Variants in CACNG2 observed in about 807,000 individuals in gnomAD.
The protein encoded by CACNG2 is calcium voltage-gated channel auxiliary subunit gamma 2, also known as voltage-dependent calcium channel gamma-2 subunit.
In CACNG2, 3 loss-of-function variants were observed where a neutral mutation model predicts 25.9. The ratio of observed to expected loss-of-function variants is 0.12; its 90% confidence interval spans 0.05 to 0.30. CACNG2 has a LOEUF of 0.30. CACNG2 is among the 10% of genes least tolerant of loss of function. CACNG2 has a pLI of 1.00. For missense variants in CACNG2, 341 were observed against 432.5 expected, an observed-to-expected ratio of 0.79 and a Z score of 1.88; for synonymous variants, 167 against 173.3, an observed-to-expected ratio of 0.96 and a Z score of 0.29.
At chr22:36,598,906 A>G (rs1935714998) in intron 1 of CACNG2, among the ~76,000 whole-genome samples, 1 of 152,108 alleles carries the variant, frequency 6.6e-6, no homozygotes, top group Admixed American at 6.6e-5. Flanking sequence ...TGAACCTGGG[A>G]GGCGGAGGTT....
At chr22:36,601,603 C>T (rs1200756879) in intron 1 of CACNG2, among the ~76,000 whole-genome samples, 2 of 152,160 alleles carry the variant, frequency 1.3e-5, no homozygotes, top group South Asian at 2.1e-4. Context: ...AAGCGATTCT[C>T]ATGCTTCAGG....
chr22:36,642,199 A>G (rs1312462468), intron 1 of CACNG2, among the ~76,000 whole-genome samples: 1 of 152,218 alleles, frequency 6.6e-6, no homozygotes, highest in Non-Finnish European at 1.5e-5. Flanking sequence ...CATCTTTTCC[A>G]AATCAAATGC....
intron 1 of CACNG2, among the ~76,000 whole-genome samples, chr22:36,643,474 GTCTATCTATCTA>G (rs66945856): frequency 0.015 from 2,289 of 149,230 alleles, 23 homozygotes; most frequent in Non-Finnish European, 0.021. Context: ...CTATCTGTCT[GTCTATCTATCTA>G]TCTATCTATC....
intron 1 of CACNG2, among the ~76,000 whole-genome samples, chr22:36,653,499 G>A (rs549198492): frequency 6.6e-6 from 1 of 152,264 alleles, no homozygotes; most frequent in African/African-American, 2.4e-5. Flanking sequence ...GCTGGGGCCT[G>A]TGTGTGCCTC....
At chr22:36,644,364 T>C (rs541578070) in intron 1 of CACNG2, among the ~76,000 whole-genome samples, 2 of 152,348 alleles carry the variant, frequency 1.3e-5, no homozygotes, top group Admixed American at 6.5e-5. Context: ...CACCCCTTTA[T>C]AGCAGAACCT....
intron 1 of CACNG2, among the ~76,000 whole-genome samples, chr22:36,592,802 T>G (rs1390634170): frequency 1.3e-5 from 2 of 152,126 alleles, no homozygotes; most frequent in South Asian, 2.1e-4. Context: ...TGCAGAATCT[T>G]CTCCTAAGTT....
intron 1 of CACNG2, among the ~76,000 whole-genome samples, chr22:36,623,670 G>C (rs577420826): frequency 6.6e-6 from 1 of 152,226 alleles, no homozygotes; most frequent in African/African-American, 2.4e-5. Context: ...CACTGAAAGG[G>C]ACTCAGCTGA....
intron 1 of CACNG2, among the ~76,000 whole-genome samples, chr22:36,653,013 A>G (rs1440999687): frequency 6.6e-6 from 1 of 152,128 alleles, no homozygotes; most frequent in Non-Finnish European, 1.5e-5. Flanking sequence ...ATTGGCCTAC[A>G]TATTGTTGTT....
At chr22:36,679,331 C>T (rs1256193559) in intron 1 of CACNG2, among the ~76,000 whole-genome samples, 1 of 151,862 alleles carries the variant, frequency 6.6e-6, no homozygotes, top group Non-Finnish European at 1.5e-5. Flanking sequence ...TATAAGAAAA[C>T]ATGGGCAGGA....
At chr22:36,645,536 CAAAAAAAAAA>C (rs200600420) in intron 1 of CACNG2, among the ~76,000 whole-genome samples, 4 of 134,874 alleles carry the variant, frequency 3.0e-5, no homozygotes, top group South Asian at 2.4e-4. Context: ...GACTCTGTCT[CAAAAAAAAAA>C]AAAAAAAAAA....
At position 36,657,808 on chromosome 22, in the gene CACNG2, C is replaced by A. The variant is rs373582625; in HGVS notation, c.211+44558G>T. ...CTCAGGGAGTGGAGGCTTGTAGTTC[C>A]AGAATATTGAGTAGGCACAGAGAGC... On this transcript the variant is annotated intron_variant, in intron 1 of 3. Transcript: ENST00000300105. Among the ~76,000 whole-genome samples, 14 of 152,038 alleles carry A rather than the reference C, an allele frequency of 9.2e-5. 1 individual carries two copies. The highest frequency in any genetic ancestry group is 6.3e-4 in the South Asian group (3 of 4,790).
At chr22:36,588,710 T>C (rs1424253493) in intron 1 of CACNG2, among the ~76,000 whole-genome samples, 4 of 152,192 alleles carry the variant, frequency 2.6e-5, no homozygotes, top group Non-Finnish European at 5.9e-5. Flanking sequence ...TGGCAGATTG[T>C]CGTGGAGGTT....
chr22:36,595,032 CATGT>C (rs1424699073), intron 1 of CACNG2, among the ~76,000 whole-genome samples: 1 of 139,320 alleles, frequency 7.2e-6, no homozygotes, highest in Non-Finnish European at 1.5e-5. Context: ...TGTGTGTGTG[CATGT>C]ATGTGTCTGT....
intron 1 of CACNG2, among the ~76,000 whole-genome samples, chr22:36,607,020 T>C (rs537596255): frequency 1.3e-5 from 2 of 151,384 alleles, no homozygotes; most frequent in Admixed American, 1.3e-4. Flanking sequence ...TGTCTGTGAG[T>C]GTATATGTGT....
chr22:36,654,026 G>A (rs962141036), intron 1 of CACNG2, among the ~76,000 whole-genome samples: 1 of 147,670 alleles, frequency 6.8e-6, no homozygotes, highest in Non-Finnish European at 1.5e-5. Flanking sequence ...ATGTATGTGC[G>A]CATTTGGGGG....
chr22:36,577,347 C>T (rs1569018294), intron 2 of CACNG2, among the ~76,000 whole-genome samples: 2 of 152,196 alleles, frequency 1.3e-5, no homozygotes, highest in Admixed American at 6.5e-5. Flanking sequence ...TGGTAGCAAC[C>T]AGCCCTTAAA....
chr22:36,673,719 C>T (rs1402413859), intron 1 of CACNG2, among the ~76,000 whole-genome samples: 1 of 152,126 alleles, frequency 6.6e-6, no homozygotes, highest in African/African-American at 2.4e-5. Flanking sequence ...GGGCTTCGGC[C>T]TCTCTCTTCA....
intron 1 of CACNG2, among the ~76,000 whole-genome samples, chr22:36,647,592 A>G (rs927130570): frequency 9.1e-4 from 129 of 142,024 alleles, no homozygotes; most frequent in African/African-American, 3.8e-3. Context: ...CAAAAACTCC[A>G]TATCAAAAAA....
chr22:36,606,067 C>T lies in CACNG2; in HGVS notation c.212-18519G>A, dbSNP rs752535413. On this transcript the variant is annotated intron_variant, in intron 1 of 3. Coordinates refer to ENST00000300105, the MANE Select transcript of CACNG2 (RefSeq NM_006078.5). The surrounding 1 kb of genome is among the most constrained non-coding windows in gnomAD (Gnocchi z 5.7). ...CTGCCGTGTATTAACCATGTGCTCTCGGACAAGGTGTTCATCTTTCAGTTC... is the reference window on the plus strand; with the variant it reads ...CTGCCGTGTATTAACCATGTGCTCTTGGACAAGGTGTTCATCTTTCAGTTC... Among the ~76,000 whole-genome samples, 15 of 152,168 alleles carry T rather than the reference C, an allele frequency of 9.9e-5. 1 individual carries two copies. Among genetic ancestry groups the T allele is most frequent in the South Asian group, 4.1e-4 (2 of 4,828 alleles).
Sources: gnomAD v4.1 joint callset for allele counts (sites outside exome capture counted in the v4.1 genomes callset) on GRCh38, gnomAD v4.1.1 for gene constraint, Gnocchi (gnomAD v3.1) non-coding constraint, MANE v1.5 for transcripts, NCBI Gene and HGNC (gene_info 2026-07-23, HGNC 2026-07-21) for gene names.